Variants in HSPA12A observed in about 807,000 individuals in gnomAD.
The protein encoded by HSPA12A is heat shock 70 kDa protein 12A.
In HSPA12A, 28 loss-of-function variants were observed where a neutral mutation model predicts 69.2. The ratio of observed to expected loss-of-function variants is 0.40; its 90% CI spans 0.30 to 0.55. The LOEUF is 0.55. HSPA12A is among the 20% of genes least tolerant of loss of function. The probability of loss-of-function intolerance (pLI) is 0.38; values close to 1 mark genes in which losing one functional copy is unlikely to be tolerated. For missense variants in HSPA12A, 686 were observed against 900.7 expected (o/e 0.76, Z 3.05); for synonymous variants, 345 against 370.5 (o/e 0.93, Z 0.79).
At chr10:116,836,898 T>C (rs867365178) in intron 1 of HSPA12A, among the ~76,000 whole-genome samples, 19 of 151,812 alleles carry the variant, frequency 1.3e-4, no homozygotes, top group Middle Eastern at 6.8e-3. Context: ...GCCATGAATT[T>C]GGAGGGACAC....
chr10:116,767,099 C>T (rs1844096543), intron 2 of HSPA12A, among the ~76,000 whole-genome samples: 1 of 152,078 alleles, frequency 6.6e-6, no homozygotes, highest in Non-Finnish European at 1.5e-5. Context: ...GGGGCTAGAG[C>T]GGGGGCACCT....
chr10:116,804,724 T>C (rs1589716845), intron 2 of HSPA12A, among the ~76,000 whole-genome samples: 1 of 152,212 alleles, frequency 6.6e-6, no homozygotes, highest in African/African-American at 2.4e-5. Flanking sequence ...CAGTAAATGC[T>C]TCCCTTCAAA....
chr10:116,748,017 A>G (rs1554887972), intron 2 of HSPA12A, among the ~76,000 whole-genome samples: 2 of 152,188 alleles, frequency 1.3e-5, no homozygotes, highest in East Asian at 1.9e-4. Flanking sequence ...TAAAAAATAA[A>G]TAAATAATGA....
intron 1 of HSPA12A, among the ~76,000 whole-genome samples, chr10:116,741,438 T>G (rs1554887141): frequency 6.6e-6 from 1 of 152,226 alleles, no homozygotes; most frequent in Non-Finnish European, 1.5e-5. Context: ...GCGGCTTGCC[T>G]GTCGCTCCCG....
chr10:116,702,468 G>A (rs1442669640), intron 3 of HSPA12A, among the ~76,000 whole-genome samples: 2 of 152,194 alleles, frequency 1.3e-5, no homozygotes, highest in Non-Finnish European at 2.9e-5. Flanking sequence ...TCCAGATGGA[G>A]CTCCGGCCTC....
chr10:116,748,384 A>G (rs1851698330), intron 2 of HSPA12A, among the ~76,000 whole-genome samples: 1 of 152,226 alleles, frequency 6.6e-6, no homozygotes, highest in South Asian at 2.1e-4. Context: ...AGTGTCCAAG[A>G]GCAATGCTTG....
chr10:116,738,980 G>A (rs1554886695), intron 1 of HSPA12A, among the ~76,000 whole-genome samples: 1 of 152,208 alleles, frequency 6.6e-6, no homozygotes, highest in East Asian at 1.9e-4. Context: ...AACCTGCAAT[G>A]CCCAGAGCAT....
rs1850396767 is a variant in HSPA12A, at chr10:116,710,706, G to A, written c.41-3421C>T. ...AAAACTGATCTGCACAGAAGGTATGGAGGGGTAACATTTTCAGAGATACCT... is the reference window on the plus strand; with the variant it reads ...AAAACTGATCTGCACAGAAGGTATGAAGGGGTAACATTTTCAGAGATACCT... On this transcript the variant is annotated intron_variant, in intron 1 of 11. Coordinates refer to ENST00000369209, the MANE Select transcript of HSPA12A (RefSeq NM_025015.3). This position sits in a 1 kb window ranked among gnomAD's most constrained non-coding sequence, Gnocchi z 4.1. 6.6e-6 allele frequency among the ~76,000 whole-genome samples: 1 copy of A among 152,240 alleles called. No individual in the cohort carries two copies. Among genetic ancestry groups the A allele is most frequent in the African/African-American group, 2.4e-5 (1 of 41,464 alleles).
At chr10:116,849,527 A>AC in intron 1 of HSPA12A, 1 of 1,462,944 alleles carries the variant, frequency 6.8e-7, no homozygotes, top group Non-Finnish European at 9.1e-7. Context: ...CGCTCGTGGG[A>AC]CCCCAGGCTA....
chr10:116,705,100 A>T, intron 3 of HSPA12A, 51 bp downstream of exon 3: 4 of 1,607,076 alleles, frequency 2.5e-6, no homozygotes, highest in Non-Finnish European at 3.4e-6. Flanking sequence ...GAGTCTCCAC[A>T]GGTGCAGTGG....
chr10:116,690,136 G>C lies in HSPA12A; in HGVS notation c.663+2215C>G, dbSNP rs532680249. Among the ~76,000 whole-genome samples the C allele has an allele frequency of 3.3e-5, 5 of 152,286 alleles. No individual in the cohort carries two copies. The South Asian group carries it at 8.3e-4, about 25-fold the overall frequency. On this transcript the variant is annotated intron_variant, in intron 6 of 11. Coordinates refer to ENST00000369209, the MANE Select transcript of HSPA12A (RefSeq NM_025015.3). ...TAGAAAGATGTTAATTTTGCTCATA[G>C]AGTTGCAAATTTCACTTCCACTTTG...
At chr10:116,743,234 G>A, upstream of HSPA12A, among the ~76,000 whole-genome samples, 1 of 152,234 alleles carries the variant, frequency 6.6e-6, no homozygotes, top group East Asian at 1.9e-4. Flanking sequence ...CTCCTTAGAA[G>A]TCTGAGAATA....
At chr10:116,774,788 T>G (rs575876550) in intron 2 of HSPA12A, among the ~76,000 whole-genome samples, 14 of 152,262 alleles carry the variant, frequency 9.2e-5, no homozygotes, top group African/African-American at 3.1e-4. Context: ...GGCCCTGGCC[T>G]GACTCCACCC....
chr10:116,704,877 C>T (rs1449973378), intron 3 of HSPA12A, among the ~76,000 whole-genome samples: 2 of 152,190 alleles, frequency 1.3e-5, no homozygotes, highest in African/African-American at 4.8e-5. Context: ...ACCCAGGCCA[C>T]AAGCTGGATT....
chr10:116,694,819 G>GC (rs1412950889), intron 5 of HSPA12A, among the ~76,000 whole-genome samples: 2 of 151,940 alleles, frequency 1.3e-5, no homozygotes, highest in Non-Finnish European at 2.9e-5. Flanking sequence ...ACCTCGTTGT[G>GC]CCCCTCCCCT....
intron 5 of HSPA12A, among the ~76,000 whole-genome samples, chr10:116,693,942 T>C (rs1394696556): frequency 1.3e-5 from 2 of 152,248 alleles, no homozygotes; most frequent in African/African-American, 4.8e-5. Flanking sequence ...TTTATCATCA[T>C]ATTTTGTTTC....
At chr10:116,731,345 G>A (rs1432553283) in intron 1 of HSPA12A, among the ~76,000 whole-genome samples, 1 of 152,258 alleles carries the variant, frequency 6.6e-6, no homozygotes, top group Non-Finnish European at 1.5e-5. Flanking sequence ...AGGGGAAAGT[G>A]AAGCAAGTGA....
In HSPA12A at chr10:116,703,549, TAAC is replaced by T. The variant is rs1448534409; in HGVS notation, c.254+1599_254+1601del. On this transcript the variant is annotated intron_variant, in intron 3 of 11. Transcript: ENST00000369209. ...AGCCTGTCTCTTAAAAAAAAAAAAATAACAACAACAACAAAACTAAAAAATATT... is the reference window on the plus strand; with the variant it reads ...AGCCTGTCTCTTAAAAAAAAAAAAATAACAACAACAAAACTAAAAAATATT... 6.8e-3 allele frequency among the ~76,000 whole-genome samples: 931 copies of T among 137,776 alleles called. 9 individuals carry two copies. The highest frequency in any genetic ancestry group is 0.028 in the African/African-American group (890 of 31,562). The allele number at this position is 137,776 out of a possible 152,430, so 90.4% of individuals were successfully genotyped here.
intron 2 of HSPA12A, among the ~76,000 whole-genome samples, chr10:116,753,492 C>T (rs1843754530): frequency 6.6e-6 from 1 of 152,212 alleles, no homozygotes; most frequent in Admixed American, 6.5e-5. Flanking sequence ...GATGCCCAGT[C>T]TCCCCATCTG....
Sources: gnomAD v4.1 joint callset for allele counts (sites outside exome capture counted in the v4.1 genomes callset) on GRCh38, gnomAD v4.1.1 for gene constraint, Gnocchi (gnomAD v3.1) non-coding constraint, MANE v1.5 for transcripts, NCBI Gene and HGNC (gene_info 2026-07-23, HGNC 2026-07-21) for gene names.